Variants in PTPRM observed in about 807,000 individuals in gnomAD.
PTPRM encodes the protein protein tyrosine phosphatase receptor type M, also known as receptor-type tyrosine-protein phosphatase mu.
A neutral mutation model predicts 186.7 loss-of-function variants in PTPRM; 47 were observed. The observed-to-expected ratio is 0.25, with a 90% CI of 0.20 to 0.32. PTPRM has a LOEUF of 0.32. PTPRM is among the 10% of genes least tolerant of loss of function. The pLI is 1.00. For synonymous variants in PTPRM, 668 were observed against 674.9 expected, an observed-to-expected ratio of 0.99 and a Z score of 0.16; for missense variants, 1,494 against 1,865.0, an observed-to-expected ratio of 0.80 and a Z score of 3.66.
chr18:8,357,041 C>T (rs780480371), intron 23 of PTPRM, among the ~76,000 whole-genome samples: 7 of 152,196 alleles, frequency 4.6e-5, no homozygotes, highest in Non-Finnish European at 8.8e-5. Flanking sequence ...TTCCAGAGTC[C>T]TTGATGCTTC....
At chr18:7,725,342 C>G (rs1182743339) in intron 1 of PTPRM, among the ~76,000 whole-genome samples, 4 of 152,074 alleles carry the variant, frequency 2.6e-5, no homozygotes, top group East Asian at 1.9e-4. Context: ...TTGTTATTGT[C>G]CATATTTTTT....
chr18:8,339,419 C>G (rs190718300), intron 22 of PTPRM, among the ~76,000 whole-genome samples: 1 of 152,236 alleles, frequency 6.6e-6, no homozygotes. Flanking sequence ...GTAAACGCAC[C>G]ACCACAGCAA....
intron 19 of PTPRM, among the ~76,000 whole-genome samples, chr18:8,264,910 C>A (rs539045013): frequency 3.3e-5 from 5 of 152,148 alleles, no homozygotes; most frequent in African/African-American, 1.2e-4. Context: ...TTAAGTAACT[C>A]GCCCCAGGCT....
rs752256656 is a variant in PTPRM at position 8,088,768 on chromosome 18, T to C, written c.1773T>C (p.Tyr591=). The C allele has an allele frequency of 6.2e-7, 1 of 1,612,730 alleles. No individual in the cohort carries two copies. Among genetic ancestry groups the C allele is most frequent in the African/African-American group, 1.3e-5 (1 of 74,880 alleles). ...CCCCAGCACCCTCTATGCCAGCTTA[T>C]GAACTTGAGACACCTTTGAATCAAA... ...TKISAPSMPA[Y]ELETPLNQTD... is the part of the protein sequence containing the mutation. Residue 591 remains tyrosine (Y), a synonymous_variant, in exon 11 of 33, where the codon TAT becomes TAC. Transcript: ENST00000580170.
chr18:8,085,573 G>A, intron 9 of PTPRM, 98 bp from the exon 10 acceptor site: 6 of 1,024,706 alleles, frequency 5.9e-6, no homozygotes, highest in Admixed American at 1.9e-5. Context: ...TTATCATAAA[G>A]TGTCTGACAG....
chr18:7,772,407 CTTTCTTTT>C (rs1340295185), intron 1 of PTPRM, among the ~76,000 whole-genome samples: 7 of 102,346 alleles, frequency 6.8e-5, no homozygotes, highest in East Asian at 2.9e-4. Flanking sequence ...TTCTTTCTTT[CTTTCTTTT>C]CTTTCTTTCT....
chr18:7,945,706 T>C (rs1027110442), intron 5 of PTPRM, among the ~76,000 whole-genome samples: 5 of 152,208 alleles, frequency 3.3e-5, no homozygotes, highest in Non-Finnish European at 7.3e-5. Flanking sequence ...TGTCTGTTTT[T>C]TTTTCTAGCC....
chr18:7,853,057 C>G (rs1401026889), intron 2 of PTPRM, among the ~76,000 whole-genome samples: 2 of 152,142 alleles, frequency 1.3e-5, no homozygotes, highest in Admixed American at 6.6e-5. Context: ...TTCTACCTTA[C>G]AGCATAATCT....
At chr18:8,094,462 G>T (rs1269055444) in intron 11 of PTPRM, among the ~76,000 whole-genome samples, 1 of 152,124 alleles carries the variant, frequency 6.6e-6, no homozygotes, top group Non-Finnish European at 1.5e-5. Context: ...GCTAGACACG[G>T]TGGTTCAAAC....
intron 2 of PTPRM, among the ~76,000 whole-genome samples, chr18:7,880,374 G>T (rs2048446625): frequency 6.6e-6 from 1 of 152,192 alleles, no homozygotes; most frequent in African/African-American, 2.4e-5. Context: ...TTCAGTAGTT[G>T]TTGGGAATCC....
At chr18:7,622,159 T>C (rs1473011055) in intron 1 of PTPRM, among the ~76,000 whole-genome samples, 3 of 152,236 alleles carry the variant, frequency 2.0e-5, no homozygotes, top group East Asian at 1.9e-4. Context: ...ACCATTCTAA[T>C]AGATGTGTGA....
At chr18:8,198,292 C>T (rs1436754130) in intron 14 of PTPRM, among the ~76,000 whole-genome samples, 8 of 152,070 alleles carry the variant, frequency 5.3e-5, no homozygotes, top group African/African-American at 1.2e-4. Flanking sequence ...GACCTACAGA[C>T]GTGTACCACT....
At chr18:8,144,590 C>T (rs1305095148) in intron 14 of PTPRM, among the ~76,000 whole-genome samples, 1 of 151,782 alleles carries the variant, frequency 6.6e-6, no homozygotes, top group East Asian at 1.9e-4. Context: ...AGGGCAAAAC[C>T]CTGTCTCCAA....
chr18:7,934,497 C>T (rs1423440938), intron 5 of PTPRM, among the ~76,000 whole-genome samples: 2 of 152,208 alleles, frequency 1.3e-5, no homozygotes, highest in Non-Finnish European at 2.9e-5. Flanking sequence ...TAACCTACAA[C>T]GATTTTAATG....
intron 2 of PTPRM, among the ~76,000 whole-genome samples, chr18:7,846,748 A>G (rs2046617311): frequency 6.6e-6 from 1 of 152,142 alleles, no homozygotes; most frequent in African/African-American, 2.4e-5. Flanking sequence ...TTCCTGTCCT[A>G]AGGCACTGTT....
intron 28 of PTPRM, among the ~76,000 whole-genome samples, chr18:8,380,068 A>C (rs1273263359): frequency 6.6e-6 from 1 of 152,266 alleles, no homozygotes; most frequent in East Asian, 1.9e-4. Context: ...AATTGATAAG[A>C]GATACTAATT....
At chr18:8,385,161 C>G (rs1228272008) in intron 30 of PTPRM, among the ~76,000 whole-genome samples, 1 of 152,120 alleles carries the variant, frequency 6.6e-6, no homozygotes, top group African/African-American at 2.4e-5. Flanking sequence ...GATCAGATAT[C>G]AAACATGGTC....
chr18:7,568,466 T>C lies in PTPRM; in HGVS notation c.73+575T>C, dbSNP rs2036487901. On this transcript the variant is annotated intron_variant, in intron 1 of 32. Transcript: ENST00000580170. The surrounding 1 kb of genome is among the most constrained non-coding windows in gnomAD (Gnocchi z 5.1). ...CGACCCCGGGAGGTCCCCGCGGTCG[T>C]GCAGCGTCTGCGGAGAGGCTGGGGG... is the stretch of plus-strand genomic sequence containing the variant. Among the ~76,000 whole-genome samples, 1 of 151,794 alleles carries C rather than the reference T, an allele frequency of 6.6e-6. No individual in the cohort carries two copies.
At chr18:8,078,082 G>A (rs902708795) in intron 9 of PTPRM, among the ~76,000 whole-genome samples, 2 of 152,152 alleles carry the variant, frequency 1.3e-5, no homozygotes, top group African/African-American at 4.8e-5. Context: ...GTTTTGTAGG[G>A]ACCAAAGGGG....
Sources: allele counts gnomAD v4.1 joint callset (sites outside exome capture counted in the v4.1 genomes callset), GRCh38; gene constraint gnomAD v4.1.1; non-coding constraint Gnocchi (gnomAD v3.1); transcripts MANE v1.5; gene names NCBI Gene and HGNC (gene_info 2026-07-23, HGNC 2026-07-21).